FOXN3: variants seen among roughly 807,000 people sequenced by gnomAD.
The protein encoded by FOXN3 is forkhead box protein N3.
In FOXN3, 7 loss-of-function variants were observed where a neutral mutation model predicts 38.4. That is an observed-to-expected ratio of 0.18 (90% CI 0.10 to 0.34). The LOEUF (loss-of-function observed/expected upper bound fraction) is 0.34, where lower values mean the gene tolerates loss of function less well. Ranked by LOEUF, FOXN3 falls within the 10% of genes least tolerant of loss-of-function variation. The pLI is 1.00. For missense variants in FOXN3, 456 were observed against 613.4 expected, an observed-to-expected ratio of 0.74 and a Z score of 2.71; for synonymous variants, 230 against 242.2, an observed-to-expected ratio of 0.95 and a Z score of 0.47.
chr14:89,245,928 T>G (rs1168143360), intron 4 of FOXN3, among the ~76,000 whole-genome samples: 3 of 152,116 alleles, frequency 2.0e-5, no homozygotes, highest in Non-Finnish European at 4.4e-5. Context: ...CACTTGCTAA[T>G]CAGAGTGCTG....
chr14:89,375,148 C>T (rs1753550494), intron 2 of FOXN3, among the ~76,000 whole-genome samples: 1 of 152,096 alleles, frequency 6.6e-6, no homozygotes, highest in Admixed American at 6.6e-5. Flanking sequence ...GAAAACTTTT[C>T]ATGATGAAAC....
At chr14:89,227,824 GC>G (rs1884688511) in intron 4 of FOXN3, among the ~76,000 whole-genome samples, 2 of 152,156 alleles carry the variant, frequency 1.3e-5, no homozygotes, top group African/African-American at 4.8e-5. Context: ...GCTAAGAACG[GC>G]CCCCAGCTGA....
intron 2 of FOXN3, among the ~76,000 whole-genome samples, chr14:89,352,378 C>G (rs909131776): frequency 6.6e-6 from 1 of 152,194 alleles, no homozygotes; most frequent in Non-Finnish European, 1.5e-5. Context: ...GAAGCTTCAT[C>G]CCTTCCTTTG....
chr14:89,430,917 G>C (rs1892141474), intron 1 of FOXN3, among the ~76,000 whole-genome samples: 1 of 152,204 alleles, frequency 6.6e-6, no homozygotes, highest in African/African-American at 2.4e-5. Flanking sequence ...CGGGGATCTT[G>C]CTAAAGGCAT....
At chr14:89,592,461 GA>G (rs1895977360) in intron 1 of FOXN3, among the ~76,000 whole-genome samples, 1 of 151,494 alleles carries the variant, frequency 6.6e-6, no homozygotes, top group African/African-American at 2.4e-5. Context: ...TCACACCGGG[GA>G]TAAAATTAAA....
intron 3 of FOXN3, among the ~76,000 whole-genome samples, chr14:89,300,972 C>G (rs574376571): frequency 6.9e-6 from 1 of 145,782 alleles, no homozygotes; most frequent in Non-Finnish European, 1.5e-5. Context: ...AATTTTTTTG[C>G]TTTTTTTTTT....
chr14:89,288,716 CTCTCTCTCTATATATA>C (rs1886748474), intron 3 of FOXN3, among the ~76,000 whole-genome samples: 17 of 51,724 alleles, frequency 3.3e-4, no homozygotes, highest in East Asian at 1.3e-3. Context: ...CTCTCTCTCT[CTCTCTCTCTATATATA>C]TATATATATA....
upstream of FOXN3, among the ~76,000 whole-genome samples, chr14:89,421,145 CTTTTTTTTTT>C (rs570024684): frequency 5.5e-5 from 6 of 108,182 alleles, no homozygotes; most frequent in South Asian, 1.8e-3. Context: ...TTCTTTCTTT[CTTTTTTTTTT>C]TTTTTTTTTT....
At chr14:89,416,708 G>C (rs1160012858) in intron 1 of FOXN3, among the ~76,000 whole-genome samples, 163 bp downstream of exon 1, 2 of 152,092 alleles carry the variant, frequency 1.3e-5, no homozygotes, top group Non-Finnish European at 1.5e-5. Flanking sequence ...TTCCCGGCTC[G>C]GGGGCTCCCG....
chr14:89,615,116 A>ATTTTTTTTTTTTTTTT (rs374606775), intron 1 of FOXN3, among the ~76,000 whole-genome samples: 1 of 106,782 alleles, frequency 9.4e-6, no homozygotes, highest in Admixed American at 1.1e-4. Context: ...CCCAATTTCG[A>ATTTTTTTTTTTTTTTT]TTTTTTTTTT....
intron 1 of FOXN3, among the ~76,000 whole-genome samples, chr14:89,470,200 A>G (rs553391171): frequency 6.6e-6 from 1 of 152,342 alleles, no homozygotes; most frequent in African/African-American, 2.4e-5. Context: ...TTTCTCAGCC[A>G]ACTGATACTC....
intron 2 of FOXN3, among the ~76,000 whole-genome samples, chr14:89,390,224 T>TA (rs34247933): frequency 0.045 from 6,331 of 141,786 alleles, 253 homozygotes; most frequent in African/African-American, 0.1. Flanking sequence ...AGACTCCCTT[T>TA]AAAAAAAAAA....
At chr14:89,287,576 C>T (rs1031087058) in intron 3 of FOXN3, among the ~76,000 whole-genome samples, 6 of 151,552 alleles carry the variant, frequency 4.0e-5, no homozygotes, top group Non-Finnish European at 8.8e-5. Flanking sequence ...CTTAACTCTC[C>T]CAACTTGGCC....
intron 5 of FOXN3, among the ~76,000 whole-genome samples, chr14:89,167,004 T>A (rs1887259805): frequency 6.6e-6 from 1 of 152,252 alleles, no homozygotes; most frequent in Non-Finnish European, 1.5e-5. Flanking sequence ...ATGTGATACA[T>A]CCGAAATGCC....
At chr14:89,179,185 C>T (rs1455689814) in intron 5 of FOXN3, among the ~76,000 whole-genome samples, 1 of 152,140 alleles carries the variant, frequency 6.6e-6, no homozygotes, top group Non-Finnish European at 1.5e-5. Context: ...TGGAAAATAT[C>T]CCCTTGTCAG....
chr14:89,336,215 C>CGT lies in FOXN3; in HGVS notation c.680+14456_680+14457insAC, dbSNP rs1566959993. On this transcript the variant is annotated intron_variant, in intron 3 of 5. Coordinates refer to ENST00000557258, the MANE Select transcript of FOXN3 (RefSeq NM_005197.4). ...CCCCTTCCCCATTCTCCTAACGGTG[C>CGT]CTCCATCCATCCATCCATCCATCCA... is the stretch of plus-strand genomic sequence containing the variant. Among the ~76,000 whole-genome samples the CGT allele has an allele frequency of 1.7e-4, 23 of 137,944 alleles. No individual in the cohort carries two copies. In the East Asian group the frequency reaches 5.0e-3, roughly 30 times the overall value. 90.5% of individuals were successfully genotyped at this position (137,944 alleles called of 152,430 possible).
intron 4 of FOXN3, chr14:89,230,962 C>T (rs990847589): frequency 2.3e-6 from 1 of 444,276 alleles, no homozygotes; most frequent in African/African-American, 2.0e-5. Context: ...ATGGCGTCTA[C>T]TGGAGTAGCA....
intron 3 of FOXN3, among the ~76,000 whole-genome samples, chr14:89,346,405 C>G (rs1162116474): frequency 6.6e-6 from 1 of 152,176 alleles, no homozygotes; most frequent in East Asian, 1.9e-4. Flanking sequence ...GTAATAGATT[C>G]TAAGACTTTC....
chr14:89,325,061 C>T (rs1888010365), intron 3 of FOXN3, among the ~76,000 whole-genome samples: 1 of 152,176 alleles, frequency 6.6e-6, no homozygotes, highest in African/African-American at 2.4e-5. Flanking sequence ...TCCATGGGCA[C>T]ACTGGGTGCA....
Sources: gnomAD v4.1 joint callset for allele counts (sites outside exome capture counted in the v4.1 genomes callset) on GRCh38, gnomAD v4.1.1 for gene constraint, MANE v1.5 for transcripts, NCBI Gene and HGNC (gene_info 2026-07-23, HGNC 2026-07-21) for gene names.